The following ABCA7 variants were observed in gnomAD, a reference collection of about 807,000 sequenced individuals.
The protein encoded by ABCA7 is phospholipid-transporting ATPase ABCA7.
In ABCA7, 261 loss-of-function variants were observed where a neutral mutation model predicts 227.6. That is an observed-to-expected ratio of 1.15 (90% CI 1.04 to 1.27). The LOEUF (loss-of-function observed/expected upper bound fraction) is 1.27, where lower values mean the gene tolerates loss of function less well. Ranked by LOEUF, ABCA7 falls within the 50% of genes most tolerant of loss-of-function variation. The pLI, the probability that ABCA7 is intolerant of heterozygous loss-of-function variation, is 0.00. For synonymous variants in ABCA7, 1,488 were observed against 1,279.7 expected, an observed-to-expected ratio of 1.16 and a Z score of -3.47; for missense variants, 3,331 against 2,924.5, an observed-to-expected ratio of 1.14 and a Z score of -3.21.
chr19:1,041,760 T>A (rs1228592548), intron 3 of ABCA7, 71 bp from the exon 4 acceptor site: 1 of 1,590,756 alleles, frequency 6.3e-7, no homozygotes, highest in Non-Finnish European at 8.5e-7. Flanking sequence ...ATGCAAGCGG[T>A]GCCGGGCGAC....
rs1287958175 is a variant in ABCA7 at position 1,050,915 on chromosome 19, C to T, written c.2553-6C>T. ...GGGGGCTACTCTGAGACCCCTCTAT[C>T]CACAGGTCCATCTTGAGTGGCCTCT... On this transcript the variant is annotated splice_polypyrimidine_tract_variant and splice_region_variant and intron_variant, in intron 18 of 46. Coordinates refer to ENST00000263094, the MANE Select transcript of ABCA7 (RefSeq NM_019112.4). 3 of 1,596,612 alleles carry T rather than the reference C, an allele frequency of 1.9e-6. No homozygotes were observed. Among genetic ancestry groups the T allele is most frequent in the East Asian group, 2.2e-5 (1 of 44,610 alleles).
chr19:1,061,226 G>A (rs746395300), intron 40 of ABCA7, among the ~76,000 whole-genome samples: 13 of 151,094 alleles, frequency 8.6e-5, no homozygotes, highest in South Asian at 2.1e-4. Flanking sequence ...CCAAAACCCC[G>A]TCTCTACTAA....
intron 14 of ABCA7, 51 bp from the exon 15 acceptor site, chr19:1,047,106 C>A (rs1400094521): frequency 6.4e-7 from 1 of 1,564,168 alleles, no homozygotes; most frequent in Non-Finnish European, 8.6e-7. Flanking sequence ...TGGGTGCGCG[C>A]CCCCAGGCCA....
At chr19:1,060,095 C>T (rs1167831043) in intron 40 of ABCA7, among the ~76,000 whole-genome samples, 1 of 152,152 alleles carries the variant, frequency 6.6e-6, no homozygotes, top group South Asian at 2.1e-4. Context: ...CATTCAAGCA[C>T]CTACTATATA....
rs375055112 is a variant in ABCA7, at chr19:1,043,140, G to A, written c.679G>A (p.Val227Ile). The stretch of plus-strand genomic sequence containing the variant: ...GTTGCTGTCAGAGGCCCTCTGCAGT[G>A]TCAGGGGACCTAGCAGCACAGTGGG... ...LELLSEALCS[V>I]RGPSSTVGPS... The change falls in exon 8 of 47, where the codon GTC (valine) becomes ATC (isoleucine). Residue 227 changes from valine to isoleucine, a missense_variant. Physicochemically the swap from Val to Ile is conservative, Grantham distance 29. Coordinates refer to ENST00000263094, the MANE Select transcript of ABCA7 (RefSeq NM_019112.4). The A allele has an allele frequency of 1.4e-5, 23 of 1,612,390 alleles. No individual in the cohort carries two copies. Among genetic ancestry groups the A allele is most frequent in the Non-Finnish European group, 1.9e-5 (23 of 1,179,604 alleles).
At chr19:1,045,353 A>G (rs985967989) in intron 12 of ABCA7, 122 bp downstream of exon 12, 2 of 1,034,058 alleles carry the variant, frequency 1.9e-6, no homozygotes, top group Non-Finnish European at 2.8e-6. Context: ...CTGTATCAAC[A>G]GTGGTATGGT....
chr19:1,063,945 G>A, intron 44 of ABCA7, 82 bp downstream of exon 44: 2 of 1,447,264 alleles, frequency 1.4e-6, no homozygotes, highest in Non-Finnish European at 1.8e-6. Flanking sequence ...AGGCCACAGG[G>A]GATGGGGGGT....
chr19:1,058,481 C>T, intron 37 of ABCA7, 137 bp from the exon 38 acceptor site: 3 of 1,455,528 alleles, frequency 2.1e-6, no homozygotes, highest in Non-Finnish European at 2.8e-6. Context: ...CTTCTGTTTT[C>T]TATGCCAATT....
At chr19:1,058,417 G>A in intron 37 of ABCA7, 148 bp downstream of exon 37, 2 of 1,432,578 alleles carry the variant, frequency 1.4e-6, no homozygotes, top group Non-Finnish European at 1.8e-6. Flanking sequence ...CAAGTTGGAG[G>A]TACAAGAAAG....
In ABCA7 at chr19:1,062,313, G is replaced by A. The variant is rs528972105; in HGVS notation, c.5712G>A (p.Gln1904=). 4 of 1,602,384 alleles carry A rather than the reference G, an allele frequency of 2.5e-6. No homozygotes were observed. The South Asian group carries it at 3.3e-5, about 13-fold the overall frequency. The stretch of plus-strand genomic sequence containing the variant: ...GTGTCCCGGAGGCCCAGGTTGCCCA[G>A]GTGAGCCCACTTTGTCCCCACCGCT... ...LRGVPEAQVA[Q]TAGSGLARLG... The change falls in exon 42 of 47, where the codon CAG becomes CAA. Residue 1904 remains glutamine, a splice_region_variant and synonymous_variant. Transcript: ENST00000263094.
In ABCA7 at chr19:1,065,077, G is replaced by A; in HGVS notation, c.6191G>A (p.Arg2064His). ...CGCTTCCAGCTGCCGCCGGGAGGGC[G>A]CTGCGCCCTGGCGCGCGTCTTTGGA... ...RLRFQLPPGGRCALARVFGEL... is the reference protein window; with the variant it reads ...RLRFQLPPGGHCALARVFGEL... The change falls in exon 46 of 47, where the codon CGC (arginine) becomes CAC (histidine). Residue 2064 changes from arginine to histidine, a missense_variant. Physicochemically the swap from Arg to His is conservative, Grantham distance 29. Transcript: ENST00000263094. The A allele has an allele frequency of 6.4e-7, 1 of 1,568,892 alleles. No individual in the cohort carries two copies.
chr19:1,052,493 G>A (rs1159557045), intron 23 of ABCA7, among the ~76,000 whole-genome samples: 1 of 3,876 alleles, frequency 2.6e-4, no homozygotes, highest in Middle Eastern at 0.083. Flanking sequence ...AGAGGAGGAG[G>A]GGGAGGGAGA....
rs751985288 is a variant in ABCA7 at position 1,065,313 on chromosome 19, C to T, written c.6329C>T (p.Thr2110Ile). 7 of 1,613,580 alleles carry T rather than the reference C, an allele frequency of 4.3e-6. No individual in the cohort carries two copies. The Admixed American group carries it at 1.0e-4, about 23-fold the overall frequency. Residue 2110 changes from threonine to isoleucine, a missense_variant, in exon 47 of 47, where the codon ACC (threonine) becomes ATC (isoleucine). By Grantham distance (89) the Thr-to-Ile change is moderately conservative. Coordinates refer to ENST00000263094, the MANE Select transcript of ABCA7 (RefSeq NM_019112.4). ...AAGGACCAGGGGAAGGACGAGGACACCGAAGAGCAGAAGGAGGCAGGAGTG... is the reference window on the plus strand; with the variant it reads ...AAGGACCAGGGGAAGGACGAGGACATCGAAGAGCAGAAGGAGGCAGGAGTG... ...FSKDQGKDEDTEEQKEAGVGV... is the reference protein window; with the variant it reads ...FSKDQGKDEDIEEQKEAGVGV...
At chr19:1,061,412 AGAG>A (rs796406180) in intron 40 of ABCA7, among the ~76,000 whole-genome samples, 1 of 146,492 alleles carries the variant, frequency 6.8e-6, no homozygotes, top group Non-Finnish European at 1.5e-5. Flanking sequence ...AAAAAAAAAA[AGAG>A]GCTGGGTGCC....
At chr19:1,060,906 G>A (rs1401448719) in intron 40 of ABCA7, among the ~76,000 whole-genome samples, 1 of 152,080 alleles carries the variant, frequency 6.6e-6, no homozygotes, top group African/African-American at 2.4e-5. Flanking sequence ...AGTACACACA[G>A]TGTGCCAGGA....
In ABCA7 at chr19:1,065,148, G is replaced by A. The variant is rs906173258; in HGVS notation, c.6262G>A (p.Val2088Met). 2 of 1,591,846 alleles carry A rather than the reference G, an allele frequency of 1.3e-6. No homozygotes were observed. The highest frequency in any genetic ancestry group is 1.7e-6 in the Non-Finnish European group (2 of 1,166,714). The change falls in exon 46 of 47, where the codon GTG becomes ATG. Residue 2088 changes from valine to methionine, a missense_variant. Coordinates refer to ENST00000263094, the MANE Select transcript of ABCA7 (RefSeq NM_019112.4). ...GAEHGVEDFS[V>M]SQTMLEEVFL... ...AGAGCACGGCGTGGAGGACTTTTCC[G>A]TGAGCCAGACGATGCTGGAGGAGGT... is the stretch of plus-strand genomic sequence containing the variant.
chr19:1,043,796 G>T lies in ABCA7; in HGVS notation c.1002G>T (p.Arg334=). 1 of 1,613,174 alleles carries T rather than the reference G, an allele frequency of 6.2e-7. No individual in the cohort carries two copies. Among genetic ancestry groups the T allele is most frequent in the Non-Finnish European group, 8.5e-7 (1 of 1,179,930 alleles). Residue 334 remains arginine, a synonymous_variant, in exon 10 of 47, where the codon CGG becomes CGT. Coordinates refer to ENST00000263094, the MANE Select transcript of ABCA7 (RefSeq NM_019112.4). ...VREVWEMLGP[R]IFTFMNDSSN... ...AGGTGTGGGAGATGCTGGGACCCCG[G>T]ATCTTCACCTTCATGAACGACAGTT...
Position 1,048,985 on chromosome 19 carries a change from C to T in ABCA7, c.2360C>T (p.Pro787Leu), listed in dbSNP as rs200858983. The T allele has an allele frequency of 7.2e-5, 115 of 1,599,212 alleles. 1 individual carries two copies. In the Admixed American group the frequency reaches 1.1e-3, roughly 15 times the overall value. ...CCCCCCAAGAGTCCAGCCCCTTGCC[C>T]CACCCCGCTGGACCCAAAGGGTGAG... ...PRPPKSPAPC[P>L]TPLDPKVLVE... Residue 787 changes from proline to leucine, a missense_variant, in exon 17 of 47, where the codon CCC becomes CTC. Pro to Leu is a moderately conservative substitution (Grantham distance 98, BLOSUM62 -3). Transcript: ENST00000263094.
rs551756997 is a variant in ABCA7, at chr19:1,042,188, G to T, written c.415+12G>T. The stretch of plus-strand genomic sequence containing the variant: ...TGCACGCAGCACGGGTGAGGAGGCC[G>T]GGGGGCCTCTGGCAGGGCTGAGCTC... On this transcript the variant is annotated intron_variant, in intron 5 of 46. Transcript: ENST00000263094. 16 of 1,599,350 alleles carry T rather than the reference G, an allele frequency of 1.0e-5. No homozygotes were observed. Among genetic ancestry groups the T allele is most frequent in the Non-Finnish European group, 1.4e-5 (16 of 1,177,454 alleles).
Sources: allele counts gnomAD v4.1 joint callset (sites outside exome capture counted in the v4.1 genomes callset), GRCh38; gene constraint gnomAD v4.1.1; transcripts MANE v1.5; gene names NCBI Gene and HGNC (gene_info 2026-07-23, HGNC 2026-07-21).